RFC3: variants seen among roughly 807,000 people sequenced by gnomAD.
RFC3 encodes A1 38 kDa subunit.
Under a neutral mutation model 45.1 loss-of-function variants are expected in RFC3, and 41 were observed. The ratio of observed to expected loss-of-function variants is 0.91; its 90% CI spans 0.71 to 1.18. The LOEUF (loss-of-function observed/expected upper bound fraction) is 1.18. Among genes scored for constraint, RFC3 ranks in the 50% most tolerant of loss-of-function variants. RFC3 has a pLI of 0.00. For synonymous variants in RFC3, 149 were observed against 144.0 expected (o/e 1.03, Z -0.25); for missense variants, 423 against 428.1 (o/e 0.99, Z 0.10).
chr13:33,938,551 T>A (rs1018874190), intron 8 of RFC3, among the ~76,000 whole-genome samples: 15 of 152,196 alleles, frequency 9.9e-5, no homozygotes, highest in African/African-American at 3.6e-4. Context: ...TGGAAACTTA[T>A]ACAAGTGGAA....
chr13:33,948,910 TA>T (rs1315133815), intron 8 of RFC3, among the ~76,000 whole-genome samples: 2 of 152,214 alleles, frequency 1.3e-5, no homozygotes, highest in Admixed American at 1.3e-4. Context: ...TGCAGGCTCA[TA>T]GGCAGAAGCA....
At chr13:33,862,706 GA>G (rs773115109) in intron 8 of RFC3, among the ~76,000 whole-genome samples, 4 of 151,928 alleles carry the variant, frequency 2.6e-5, no homozygotes, top group Admixed American at 6.6e-5. Flanking sequence ...TATACATATT[GA>G]AAAGCATATC....
intron 8 of RFC3, among the ~76,000 whole-genome samples, chr13:33,883,574 A>G (rs1356023646): frequency 5.3e-5 from 8 of 152,204 alleles, no homozygotes; most frequent in Admixed American, 5.2e-4. Flanking sequence ...AGGCTGAAGG[A>G]TCATATCACT....
chr13:33,893,196 A>G (rs1024603522), intron 8 of RFC3, among the ~76,000 whole-genome samples: 1 of 152,162 alleles, frequency 6.6e-6, no homozygotes, highest in Non-Finnish European at 1.5e-5. Context: ...AGTACATTCC[A>G]CAGGACCCCT....
At chr13:33,944,611 T>A (rs1040188794) in intron 8 of RFC3, among the ~76,000 whole-genome samples, 2 of 152,106 alleles carry the variant, frequency 1.3e-5, no homozygotes, top group Non-Finnish European at 2.9e-5. Context: ...TTTTGTGAAG[T>A]CACAGACTGA....
chr13:33,889,827 C>G (rs893943949), intron 8 of RFC3, among the ~76,000 whole-genome samples: 17 of 152,060 alleles, frequency 1.1e-4, no homozygotes, highest in Non-Finnish European at 2.1e-4. Context: ...CTGCCTGTGC[C>G]TGGTTTATTT....
At chr13:33,907,200 G>C (rs1223650719) in intron 8 of RFC3, among the ~76,000 whole-genome samples, 1 of 151,974 alleles carries the variant, frequency 6.6e-6, no homozygotes, top group Non-Finnish European at 1.5e-5. Context: ...AATCATTTGT[G>C]GGGTAGAGAC....
intron 8 of RFC3, among the ~76,000 whole-genome samples, chr13:33,876,692 A>G (rs1056859125): frequency 1.3e-5 from 2 of 152,194 alleles, no homozygotes; most frequent in African/African-American, 2.4e-5. Flanking sequence ...AAATGTGTAC[A>G]TTTTGTCGTA....
intron 8 of RFC3, among the ~76,000 whole-genome samples, chr13:33,936,673 G>A (rs1260629043): frequency 6.6e-6 from 1 of 152,128 alleles, no homozygotes; most frequent in Non-Finnish European, 1.5e-5. Context: ...GAAGCCAGGA[G>A]AGAGCCCTGG....
At chr13:33,954,175 G>A (rs931262876) in intron 8 of RFC3, among the ~76,000 whole-genome samples, 1 of 152,096 alleles carries the variant, frequency 6.6e-6, no homozygotes, top group African/African-American at 2.4e-5. Flanking sequence ...CATTATCTTT[G>A]TTTCTCAAGC....
chr13:33,932,300 CT>C (rs2082857642), intron 8 of RFC3, among the ~76,000 whole-genome samples: 1 of 152,050 alleles, frequency 6.6e-6, no homozygotes. Flanking sequence ...TCTATTTATT[CT>C]TCTTAATATA....
chr13:33,941,295 G>A (rs373745087), intron 8 of RFC3, among the ~76,000 whole-genome samples: 38 of 151,584 alleles, frequency 2.5e-4, no homozygotes, highest in African/African-American at 9.2e-4. Context: ...ATGTGTCTGC[G>A]CACCTAATCC....
chr13:33,966,454 C>A (rs1201824931), exon 9 of RFC3: 1 of 342,198 alleles, frequency 2.9e-6, no homozygotes, highest in East Asian at 4.8e-5. Flanking sequence ...CCATCTGTAT[C>A]CCTACATCTA....
chr13:33,835,994 C>A, intron 8 of RFC3, 110 bp from the exon 9 acceptor site: 1 of 1,101,454 alleles, frequency 9.1e-7, no homozygotes, highest in Non-Finnish European at 1.2e-6. Context: ...AAAGATCTCA[C>A]ACATATAAAG....
At chr13:33,955,370 C>T (rs757474392) in intron 8 of RFC3, among the ~76,000 whole-genome samples, 5 of 151,976 alleles carry the variant, frequency 3.3e-5, no homozygotes, top group Non-Finnish European at 7.4e-5. Flanking sequence ...GCTACTAGTA[C>T]AAGCTACAAG....
At chr13:33,831,139 G>T in intron 6 of RFC3, 117 bp from the exon 7 acceptor site, 1 of 671,442 alleles carries the variant, frequency 1.5e-6, no homozygotes, top group Non-Finnish European at 2.7e-6. Context: ...CCTATCCGCT[G>T]CTCACTCCTG....
chr13:33,818,244 G>C lies in RFC3; in HGVS notation c.66G>C (p.Gln22His), dbSNP rs772163574. The change falls in exon 1 of 9, where the codon CAG becomes CAC. Residue 22 changes from glutamine to histidine, a missense_variant. Gln to His is a conservative substitution (Grantham distance 24). Coordinates refer to ENST00000380071, the MANE Select transcript of RFC3 (RefSeq NM_002915.4). ...SLGRLDYHKE[Q>H]AAQLRNLVQC... ...GACGGCTGGACTATCACAAGGAGCAGGCGGCCCAGCTGCGGAACCTGGTGA... is the reference window on the plus strand; with the variant it reads ...GACGGCTGGACTATCACAAGGAGCACGCGGCCCAGCTGCGGAACCTGGTGA... 5.0e-6 allele frequency: 8 copies of C among 1,613,600 alleles called. No individual in the cohort carries two copies. In the East Asian group the frequency reaches 1.8e-4, roughly 36 times the overall value.
intron 8 of RFC3, among the ~76,000 whole-genome samples, chr13:33,908,459 C>G (rs1290859637): frequency 6.6e-6 from 1 of 151,932 alleles, no homozygotes; most frequent in Non-Finnish European, 1.5e-5. Context: ...AACCCTAGTT[C>G]TCACGGAGAT....
Position 33,944,636 on chromosome 13 carries a change from C to T in RFC3, c.880-21451C>T, listed in dbSNP as rs369280075. The stretch of plus-strand genomic sequence containing the variant: ...TCACAGACTGACCCTTGAAAAATAC[C>T]AGTAATCAGCCATTTAAAAATACAT... On this transcript the variant is annotated intron_variant, in intron 8 of 8. Transcript: ENST00000434425. 1.6e-4 allele frequency among the ~76,000 whole-genome samples: 24 copies of T among 152,110 alleles called. No individual in the cohort carries two copies. In the East Asian group the frequency reaches 3.9e-3, roughly 25 times the overall value.
Sources: allele counts gnomAD v4.1 joint callset (sites outside exome capture counted in the v4.1 genomes callset), GRCh38; gene constraint gnomAD v4.1.1; transcripts MANE v1.5; gene names NCBI Gene and HGNC (gene_info 2026-07-23, HGNC 2026-07-21).